FRMD3: variants seen among roughly 807,000 people sequenced by gnomAD.
FRMD3 encodes the protein FERM domain containing 3, also known as FERM domain-containing protein 3.
A neutral mutation model predicts 70.2 loss-of-function variants in FRMD3; 33 were observed. The observed-to-expected ratio is 0.47, with a 90% CI of 0.36 to 0.63. FRMD3 has a LOEUF of 0.63. Ranked by LOEUF, FRMD3 falls within the 20% of genes least tolerant of loss-of-function variation. The pLI is 0.00. For synonymous variants in FRMD3, 279 were observed against 255.9 expected (o/e 1.09, Z -0.86); for missense variants, 632 against 711.4 (o/e 0.89, Z 1.27).
intron 10 of FRMD3, among the ~76,000 whole-genome samples, chr9:83,305,077 A>C (rs912926652): frequency 2.0e-5 from 3 of 152,222 alleles, no homozygotes; most frequent in Non-Finnish European, 2.9e-5. Context: ...CAGGTGAAGT[A>C]AAAATGGAAG....
chr9:83,337,543 G>A (rs1232692946), intron 5 of FRMD3, among the ~76,000 whole-genome samples: 1 of 152,204 alleles, frequency 6.6e-6, no homozygotes, highest in South Asian at 2.1e-4. Flanking sequence ...TGAGCCAGAA[G>A]AAGCAAGTGT....
At chr9:83,513,797 T>C (rs1829391451) in intron 1 of FRMD3, among the ~76,000 whole-genome samples, 1 of 152,048 alleles carries the variant, frequency 6.6e-6, no homozygotes, top group Non-Finnish European at 1.5e-5. Flanking sequence ...AGACAGTGGG[T>C]GCAGCCCACA....
intron 1 of FRMD3, among the ~76,000 whole-genome samples, chr9:83,392,202 C>T (rs1026334958): frequency 4.6e-5 from 7 of 152,132 alleles, no homozygotes; most frequent in Non-Finnish European, 1.0e-4. Context: ...TAGCCCTTTG[C>T]AGTTCTGCCC....
intron 2 of FRMD3, among the ~76,000 whole-genome samples, chr9:83,380,810 T>C (rs1053552459): frequency 2.6e-5 from 4 of 152,176 alleles, no homozygotes; most frequent in Admixed American, 6.5e-5. Context: ...CCAGAGTAAT[T>C]TGTAGCCCAG....
At chr9:83,581,009 T>C in the FRMD3 span, among the ~76,000 whole-genome samples, 2 of 152,104 alleles carry the variant, frequency 1.3e-5, no homozygotes, top group Admixed American at 6.5e-5. Context: ...CAGCAAATTG[T>C]TGAGGCTGGG....
At chr9:83,305,803 T>A (rs932527685) in intron 10 of FRMD3, among the ~76,000 whole-genome samples, 2 of 152,234 alleles carry the variant, frequency 1.3e-5, no homozygotes, top group African/African-American at 4.8e-5. Context: ...TGGTTAACTA[T>A]AGCCAAAGTG....
intron 1 of FRMD3, among the ~76,000 whole-genome samples, chr9:83,519,901 C>T (rs1281571186): frequency 3.9e-5 from 6 of 152,066 alleles, no homozygotes; most frequent in African/African-American, 1.4e-4. Flanking sequence ...GAACAGAAAA[C>T]CAAACACTGC....
chr9:83,362,195 CT>C (rs2131225802), intron 3 of FRMD3, among the ~76,000 whole-genome samples: 1 of 151,854 alleles, frequency 6.6e-6, no homozygotes, highest in African/African-American at 2.4e-5. Flanking sequence ...CTCTCTCTCT[CT>C]CTCTCTCTCT....
At chr9:83,529,212 C>G (rs1829744814) in intron 1 of FRMD3, among the ~76,000 whole-genome samples, 1 of 152,172 alleles carries the variant, frequency 6.6e-6, no homozygotes, top group South Asian at 2.1e-4. Flanking sequence ...AGTGACAAGA[C>G]AATTCAACAG....
chr9:83,535,793 G>A (rs1295399205), intron 1 of FRMD3, among the ~76,000 whole-genome samples: 1 of 152,136 alleles, frequency 6.6e-6, no homozygotes, highest in Non-Finnish European at 1.5e-5. Context: ...GCAGATGTGG[G>A]CTATGGAGAG....
At chr9:83,407,639 A>G (rs560925115) in intron 1 of FRMD3, among the ~76,000 whole-genome samples, 1 of 152,298 alleles carries the variant, frequency 6.6e-6, no homozygotes, top group South Asian at 2.1e-4. Context: ...TTCCTGTGTA[A>G]CAAGCCACTC....
intron 13 of FRMD3, among the ~76,000 whole-genome samples, chr9:83,269,867 C>CGTAA (rs1833472756): frequency 1.3e-5 from 2 of 152,274 alleles, no homozygotes; most frequent in South Asian, 4.1e-4. Flanking sequence ...TTTCAGAGAT[C>CGTAA]GTAAGTAGAT....
chr9:83,349,234 A>G (rs1190153649), intron 4 of FRMD3, among the ~76,000 whole-genome samples: 1 of 152,152 alleles, frequency 6.6e-6, no homozygotes, highest in East Asian at 1.9e-4. Flanking sequence ...AGTGGAGGGA[A>G]GCCTGCCTCC....
At chr9:83,250,533 C>CAAGTT (rs1214136074) in intron 13 of FRMD3, among the ~76,000 whole-genome samples, 2 of 152,216 alleles carry the variant, frequency 1.3e-5, no homozygotes, top group Non-Finnish European at 2.9e-5. Flanking sequence ...TGGCACCTCA[C>CAAGTT]AAGTTAAGAC....
Position 83,313,695 on chromosome 9 carries a change from A to G in FRMD3, c.649T>C (p.Leu217=), listed in dbSNP as rs1271489477. The G allele has an allele frequency of 7.4e-6, 12 of 1,614,016 alleles. No homozygotes were observed. In the Admixed American group the frequency reaches 2.0e-4, roughly 27 times the overall value. ...TGAGGATCCACCCCGTAGGTTTCCA[A>G]AGTGTGAGCTTTCAGGAGCAAGTTA... ...EFNLLLKAHT[L]ETYGVDPHPC... Residue 217 remains leucine (L), a synonymous_variant, in exon 7 of 14, where the codon TTG becomes CTG. Coordinates refer to ENST00000304195, the MANE Select transcript of FRMD3 (RefSeq NM_174938.6).
At chr9:83,449,345 G>A (rs1827572937) in intron 1 of FRMD3, among the ~76,000 whole-genome samples, 1 of 152,252 alleles carries the variant, frequency 6.6e-6, no homozygotes, top group Admixed American at 6.5e-5. Flanking sequence ...CGGGAAGACA[G>A]AATGAGGCCA....
chr9:83,457,064 C>G (rs1277451745), intron 1 of FRMD3, among the ~76,000 whole-genome samples: 2 of 152,094 alleles, frequency 1.3e-5, no homozygotes, highest in East Asian at 1.9e-4. Flanking sequence ...AAGGAAGGTG[C>G]TATAAAACTC....
intron 1 of FRMD3, among the ~76,000 whole-genome samples, chr9:83,410,538 G>A (rs1414910610): frequency 2.6e-5 from 4 of 151,966 alleles, no homozygotes; most frequent in Non-Finnish European, 4.4e-5. Flanking sequence ...TTCTTTATCC[G>A]CTCCACCACT....
intron 3 of FRMD3, among the ~76,000 whole-genome samples, chr9:83,361,360 G>C (rs973644769): frequency 6.6e-6 from 1 of 152,234 alleles, no homozygotes; most frequent in African/African-American, 2.4e-5. Context: ...AACAGGTGAA[G>C]AAATTTTCCA....
Sources: allele counts gnomAD v4.1 joint callset (sites outside exome capture counted in the v4.1 genomes callset), GRCh38; gene constraint gnomAD v4.1.1; transcripts MANE v1.5; gene names NCBI Gene and HGNC (gene_info 2026-07-23, HGNC 2026-07-21).